The following ZNRF1 variants were observed in gnomAD, a reference collection of about 807,000 sequenced individuals.
ZNRF1 encodes the protein E3 ubiquitin-protein ligase ZNRF1.
Under a neutral mutation model 18.4 loss-of-function variants are expected in ZNRF1, and 3 were observed. The ratio of observed to expected loss-of-function variants is 0.16; its 90% confidence interval spans 0.07 to 0.42. ZNRF1 has a LOEUF of 0.42. Ranked by LOEUF, ZNRF1 falls within the 10% of genes least tolerant of loss-of-function variation. ZNRF1 has a pLI of 0.99. For synonymous variants in ZNRF1, 157 were observed against 144.2 expected (o/e 1.09, Z -0.64); for missense variants, 310 against 329.8 (o/e 0.94, Z 0.47).
intron 1 of ZNRF1, among the ~76,000 whole-genome samples, chr16:75,068,683 CTGGGGCTGG>C (rs1209225914): frequency 1.3e-5 from 2 of 152,110 alleles, no homozygotes; most frequent in African/African-American, 4.8e-5. Context: ...ATGAGCAGGG[CTGGGGCTGG>C]CCCTGGGGTC....
intron 1 of ZNRF1, among the ~76,000 whole-genome samples, chr16:75,059,066 C>T (rs1015111764): frequency 3.9e-5 from 6 of 152,086 alleles, no homozygotes; most frequent in African/African-American, 1.4e-4. Context: ...CCTGCCTGCT[C>T]TAGGAAGAGC....
intron 1 of ZNRF1, among the ~76,000 whole-genome samples, chr16:75,065,718 G>A (rs2035794672): frequency 6.6e-6 from 1 of 152,072 alleles, no homozygotes; most frequent in African/African-American, 2.4e-5. Context: ...GTTTGCTAAG[G>A]GTGTCACATT....
chr16:75,079,143 A>G (rs2035979741), intron 1 of ZNRF1, among the ~76,000 whole-genome samples: 1 of 152,166 alleles, frequency 6.6e-6, no homozygotes, highest in African/African-American at 2.4e-5. Flanking sequence ...CTTAGAATTC[A>G]TGGTCCTTCT....
At chr16:75,023,405 C>T (rs1196431553) in intron 1 of ZNRF1, among the ~76,000 whole-genome samples, 3 of 152,154 alleles carry the variant, frequency 2.0e-5, no homozygotes, top group Admixed American at 1.3e-4. Context: ...CACACCAGGC[C>T]GGACGCAGTG....
intron 2 of ZNRF1, among the ~76,000 whole-genome samples, chr16:75,097,418 C>A (rs2036211992): frequency 6.6e-6 from 1 of 152,154 alleles, no homozygotes; most frequent in Non-Finnish European, 1.5e-5. Flanking sequence ...TCTGGGGGAG[C>A]AGAAGCCCAT....
chr16:75,035,761 A>G (rs1164764731), intron 1 of ZNRF1, among the ~76,000 whole-genome samples: 1 of 152,198 alleles, frequency 6.6e-6, no homozygotes, highest in Non-Finnish European at 1.5e-5. Context: ...AGTGGCCGCC[A>G]ACACTTGGGA....
chr16:75,079,088 A>G (rs908592871), intron 1 of ZNRF1, among the ~76,000 whole-genome samples: 1 of 152,226 alleles, frequency 6.6e-6, no homozygotes, highest in African/African-American at 2.4e-5. Context: ...ATATGGTAGC[A>G]TACTTTACAT....
intron 1 of ZNRF1, among the ~76,000 whole-genome samples, chr16:75,054,393 C>A (rs1055110201): frequency 3.9e-5 from 6 of 152,210 alleles, no homozygotes; most frequent in African/African-American, 1.4e-4. Flanking sequence ...CTCCCTGGCA[C>A]CCTGCCAGTT....
chr16:75,034,061 G>T (rs1426902549), intron 1 of ZNRF1, among the ~76,000 whole-genome samples: 1 of 152,118 alleles, frequency 6.6e-6, no homozygotes, highest in African/African-American at 2.4e-5. Flanking sequence ...GGGAGGCTGA[G>T]CCAGGAGAAT....
chr16:75,096,390 C>T (rs1026187529), intron 2 of ZNRF1, among the ~76,000 whole-genome samples: 1 of 152,112 alleles, frequency 6.6e-6, no homozygotes, highest in Non-Finnish European at 1.5e-5. Flanking sequence ...ACGCCCAGGG[C>T]CTGCTCCAGC....
chr16:75,001,601 C>T (rs1348521738), intron 1 of ZNRF1, among the ~76,000 whole-genome samples: 1 of 152,068 alleles, frequency 6.6e-6, no homozygotes, highest in Non-Finnish European at 1.5e-5. Context: ...GAGAGTTAGC[C>T]ATATTTTTGA....
At chr16:75,095,243 G>A (rs1459523951) in intron 2 of ZNRF1, 1 of 167,400 alleles carries the variant, frequency 6.0e-6, no homozygotes, top group Non-Finnish European at 1.3e-5. Flanking sequence ...GCCCTCCCCT[G>A]GGCATCATAG....
chr16:75,026,743 C>T (rs553606029), intron 1 of ZNRF1, among the ~76,000 whole-genome samples: 2 of 151,552 alleles, frequency 1.3e-5, no homozygotes, highest in South Asian at 2.1e-4. Context: ...CGAGACCAGC[C>T]TGGCCAACGT....
At chr16:75,060,206 A>C (rs1221088426) in intron 1 of ZNRF1, among the ~76,000 whole-genome samples, 3 of 151,488 alleles carry the variant, frequency 2.0e-5, no homozygotes, top group Non-Finnish European at 4.4e-5. Context: ...GGCGCGCATC[A>C]CCACACCTGG....
At position 75,107,869 on chromosome 16, in the gene ZNRF1, C is replaced by G. The variant is rs1416959835; in HGVS notation, c.*169C>G. On this transcript the variant is annotated 3_prime_UTR_variant, in exon 5 of 5. Transcript: ENST00000335325. The stretch of plus-strand genomic sequence containing the variant: ...GTTCTCCCTTCCTCCCTGAGGACAC[C>G]AAATTGGATGAGAGCAAGTTTGAGA... 1 of 451,946 alleles carries G rather than the reference C, an allele frequency of 2.2e-6. No homozygotes were observed. Among genetic ancestry groups the G allele is most frequent in the Middle Eastern group, 3.3e-4 (1 of 3,056 alleles). The allele number at this position is 451,946 out of a possible 1,614,324, so 28.0% of individuals were successfully genotyped here. A position where few individuals can be genotyped will look rare whatever the true frequency, so the allele number is the denominator to read the frequency against.
intron 1 of ZNRF1, among the ~76,000 whole-genome samples, chr16:75,056,922 C>G (rs1380825602): frequency 1.3e-5 from 2 of 152,064 alleles, no homozygotes; most frequent in African/African-American, 4.8e-5. Flanking sequence ...CAGGCCTGAG[C>G]CACTGCGCCT....
At chr16:75,094,022 G>A (rs1326514772) in intron 2 of ZNRF1, among the ~76,000 whole-genome samples, 1 of 152,204 alleles carries the variant, frequency 6.6e-6, no homozygotes, top group Admixed American at 6.5e-5. Context: ...AGACAGCCAG[G>A]TGTCCTCCAC....
intron 1 of ZNRF1, among the ~76,000 whole-genome samples, chr16:75,057,002 G>A (rs1053095693): frequency 6.6e-6 from 1 of 152,140 alleles, no homozygotes; most frequent in Non-Finnish European, 1.5e-5. Flanking sequence ...GCATCCTCTA[G>A]TTCAGTTTCT....
rs896981605 is a variant in ZNRF1, at chr16:74,999,620, T to G, written c.-52T>G. 4.2e-5 allele frequency: 52 copies of G among 1,250,446 alleles called. No individual in the cohort carries two copies. The Middle Eastern group carries it at 1.5e-3, about 35-fold the overall frequency. The allele number at this position is 1,250,446 out of a possible 1,614,324, so 77.5% of individuals were successfully genotyped here. On this transcript the variant is annotated 5_prime_UTR_variant, in exon 1 of 5. Coordinates refer to ENST00000335325, the MANE Select transcript of ZNRF1 (RefSeq NM_032268.5). ...CAGCCCTCCCCCTGCTGCTGAGAAGTGGGGGAGGGTCTCGGCCTCCAGGTT... is the reference window on the plus strand; with the variant it reads ...CAGCCCTCCCCCTGCTGCTGAGAAGGGGGGGAGGGTCTCGGCCTCCAGGTT...
Sources: gnomAD v4.1 joint callset for allele counts (sites outside exome capture counted in the v4.1 genomes callset) on GRCh38, gnomAD v4.1.1 for gene constraint, MANE v1.5 for transcripts, NCBI Gene and HGNC (gene_info 2026-07-23, HGNC 2026-07-21) for gene names.